The following CPAMD8 variants were observed in gnomAD, a reference collection of about 807,000 sequenced individuals.
CPAMD8 encodes C3 and PZP like alpha-2-macroglobulin domain containing 8, also known as C3 and PZP-like alpha-2-macroglobulin domain-containing protein 8.
Under a neutral mutation model 224.7 loss-of-function variants are expected in CPAMD8, and 146 were observed. The observed-to-expected ratio is 0.65, with a 90% confidence interval of 0.57 to 0.75. The LOEUF (loss-of-function observed/expected upper bound fraction) is 0.75. Ranked by LOEUF, CPAMD8 falls within the 30% of genes least tolerant of loss-of-function variation. CPAMD8 has a pLI of 0.00. For synonymous variants in CPAMD8, 966 were observed against 1,044.6 expected, an observed-to-expected ratio of 0.92 and a Z score of 1.45; for missense variants, 2,301 against 2,537.5, an observed-to-expected ratio of 0.91 and a Z score of 2.00.
At position 16,995,608 on chromosome 19, in the gene CPAMD8, C is replaced by T. The variant is rs139407498; in HGVS notation, c.1095+1503G>A. On this transcript the variant is annotated intron_variant, in intron 11 of 41. Coordinates refer to ENST00000443236, the MANE Select transcript of CPAMD8 (RefSeq NM_015692.5). The stretch of plus-strand genomic sequence containing the variant: ...TAGAGACAGTATTTCACCATGTTGG[C>T]CAGGTTGGTCTTGAAGTCCTGACCT... Among the ~76,000 whole-genome samples the T allele has an allele frequency of 1.5e-3, 225 of 152,274 alleles. 1 individual carries two copies. Among genetic ancestry groups the T allele is most frequent in the African/African-American group, 5.0e-3 (209 of 41,566 alleles).
intron 20 of CPAMD8, among the ~76,000 whole-genome samples, chr19:16,950,925 A>C (rs1485998962): frequency 1.3e-5 from 2 of 152,072 alleles, no homozygotes; most frequent in Non-Finnish European, 2.9e-5. Flanking sequence ...ACTGTGGGAC[A>C]ATACATTTCT....
intron 6 of CPAMD8, among the ~76,000 whole-genome samples, chr19:17,008,904 A>G (rs1335314577): frequency 6.6e-6 from 1 of 151,974 alleles, no homozygotes; most frequent in Non-Finnish European, 1.5e-5. Context: ...CCTGGCCAAC[A>G]TGGTGAAACC....
At chr19:17,019,770 T>C (rs1053990144) in intron 3 of CPAMD8, among the ~76,000 whole-genome samples, 6 of 151,500 alleles carry the variant, frequency 4.0e-5, no homozygotes, top group Non-Finnish European at 7.4e-5. Flanking sequence ...GATTTTACCA[T>C]GTTTTCCAGG....
At chr19:16,895,638 TAAC>T in intron 41 of CPAMD8, 1 of 346,446 alleles carries the variant, frequency 2.9e-6, no homozygotes, top group South Asian at 2.2e-5. Context: ...CGCACACTGT[TAAC>T]TACAGGCAAA....
chr19:16,967,763 G>A (rs2054878583), intron 18 of CPAMD8, among the ~76,000 whole-genome samples: 1 of 146,708 alleles, frequency 6.8e-6, no homozygotes, highest in African/African-American at 2.5e-5. Context: ...AAGCCAAGAT[G>A]GCGCCACTAC....
chr19:16,956,901 C>G (rs887939594), intron 19 of CPAMD8, among the ~76,000 whole-genome samples: 2 of 151,858 alleles, frequency 1.3e-5, no homozygotes, highest in Admixed American at 1.3e-4. Flanking sequence ...CTCCTGATCT[C>G]GTGATCCACC....
chr19:16,989,403 C>T (rs1224452597), intron 13 of CPAMD8, among the ~76,000 whole-genome samples: 1 of 152,144 alleles, frequency 6.6e-6, no homozygotes, highest in Non-Finnish European at 1.5e-5. Flanking sequence ...TCTCCTGCCT[C>T]AGCCTCCCGA....
intron 29 of CPAMD8, among the ~76,000 whole-genome samples, chr19:16,909,869 T>C (rs2052658816): frequency 6.6e-6 from 1 of 152,084 alleles, no homozygotes; most frequent in South Asian, 2.1e-4. Context: ...TTTGTTTGTT[T>C]TTAAAACAAT....
At chr19:16,904,117 A>G in intron 32 of CPAMD8, 109 bp downstream of exon 32, 1 of 1,229,208 alleles carries the variant, frequency 8.1e-7, no homozygotes, top group Middle Eastern at 2.8e-4. Context: ...GGGGCTCCAT[A>G]AGGTGAGAAG....
intron 8 of CPAMD8, among the ~76,000 whole-genome samples, chr19:17,002,726 G>A (rs1461271007): frequency 6.6e-6 from 1 of 152,006 alleles, no homozygotes; most frequent in African/African-American, 2.4e-5. Context: ...CAGGGTGACT[G>A]CAACAGAGAG....
In CPAMD8 at chr19:16,976,266, A is replaced by G. The variant is rs541463191; in HGVS notation, c.1759-115T>C. 11 of 753,314 alleles carry G rather than the reference A, an allele frequency of 1.5e-5. No individual in the cohort carries two copies. In the African/African-American group the frequency reaches 1.8e-4, roughly 12 times the overall value. 46.7% of individuals were successfully genotyped at this position (753,314 alleles called of 1,614,324 possible). ...CGAGGCGGGTGGATCACCTGAGGTC[A>G]AGAGTTCGAGACCAGCCTGGCCAAC... On this transcript the variant is annotated intron_variant, in intron 15 of 41. Transcript: ENST00000443236.
Position 16,989,692 on chromosome 19 carries a change from G to A in CPAMD8, c.1346C>T (p.Ser449Phe), listed in dbSNP as rs909019477. The change falls in exon 13 of 42, where the codon TCC becomes TTC. Residue 449 changes from serine (S) to phenylalanine (F), a missense_variant. By Grantham distance (155) the Ser-to-Phe change is radical. Coordinates refer to ENST00000443236, the MANE Select transcript of CPAMD8 (RefSeq NM_015692.5). ...PSYLSLGSWYSPSQCYLQLQP... is the reference protein window; with the variant it reads ...PSYLSLGSWYFPSQCYLQLQP... Reference sequence around the variant, plus strand: ...CAGCTGCAGGTAGCACTGGCTGGGGGAGTACCAGCTGCCGAGGGAGAGGTA... The same window carrying A: ...CAGCTGCAGGTAGCACTGGCTGGGGAAGTACCAGCTGCCGAGGGAGAGGTA... 6.2e-7 allele frequency: 1 copy of A among 1,613,960 alleles called. No individual in the cohort carries two copies. Among genetic ancestry groups the A allele is most frequent in the Non-Finnish European group, 8.5e-7 (1 of 1,179,994 alleles).
chr19:16,955,779 C>T (rs1461292771), intron 19 of CPAMD8, among the ~76,000 whole-genome samples: 1 of 152,148 alleles, frequency 6.6e-6, no homozygotes. Flanking sequence ...TGGGCTCAAG[C>T]GATCCTCCCA....
intron 7 of CPAMD8, among the ~76,000 whole-genome samples, chr19:17,005,400 A>G (rs2056459536): frequency 8.1e-6 from 1 of 122,728 alleles, no homozygotes; most frequent in South Asian, 3.0e-4. Context: ...CCTCCATGAG[A>G]ACCACCCCCC....
At chr19:16,929,375 T>C (rs575754637) in intron 23 of CPAMD8, 135 bp from the exon 24 acceptor site, 18 of 686,210 alleles carry the variant, frequency 2.6e-5, no homozygotes, top group Admixed American at 1.4e-4. Context: ...GGTGGAATGG[T>C]GTTGGCCTAA....
intron 1 of CPAMD8, among the ~76,000 whole-genome samples, chr19:17,025,019 C>G (rs1264074015): frequency 6.6e-6 from 1 of 152,206 alleles, no homozygotes; most frequent in Non-Finnish European, 1.5e-5. Context: ...ATCTCTTCCC[C>G]AGTGTGTCTC....
intron 8 of CPAMD8, among the ~76,000 whole-genome samples, chr19:17,002,975 C>T (rs575005298): frequency 6.7e-6 from 1 of 148,776 alleles, no homozygotes; most frequent in South Asian, 2.1e-4. Context: ...ACGATCTTGG[C>T]TCACTGCAAC....
chr19:16,981,250 A>G, intron 13 of CPAMD8, among the ~76,000 whole-genome samples: 1 of 151,976 alleles, frequency 6.6e-6, no homozygotes, highest in East Asian at 1.9e-4. Context: ...AGTCCCCGCT[A>G]CTCAGGGGGC....
intron 13 of CPAMD8, 32 bp from the exon 14 acceptor site, chr19:16,980,718 C>T (rs1205997471): frequency 7.4e-6 from 11 of 1,490,260 alleles, no homozygotes; most frequent in Non-Finnish European, 9.8e-6. Context: ...GGGGGCTCTG[C>T]CTCGCACCAA....
Sources: gnomAD v4.1 joint callset for allele counts (sites outside exome capture counted in the v4.1 genomes callset) on GRCh38, gnomAD v4.1.1 for gene constraint, MANE v1.5 for transcripts, NCBI Gene and HGNC (gene_info 2026-07-23, HGNC 2026-07-21) for gene names.